RPF2: variants seen among roughly 807,000 people sequenced by gnomAD.
RPF2 encodes brix domain containing 1.
A neutral mutation model predicts 38.9 loss-of-function variants in RPF2; 21 were observed. The ratio of observed to expected loss-of-function variants is 0.54; its 90% CI spans 0.38 to 0.78. The LOEUF is 0.78. Ranked by LOEUF, RPF2 falls within the 30% of genes least tolerant of loss-of-function variation. The pLI is 0.00. For missense variants in RPF2, 314 were observed against 358.1 expected, an observed-to-expected ratio of 0.88 and a Z score of 0.99; for synonymous variants, 121 against 126.2, an observed-to-expected ratio of 0.96 and a Z score of 0.28.
In RPF2 at chr6:111,025,689, CATG is replaced by C. The variant is rs1159668248; in HGVS notation, c.*110_*112del. The C allele has an allele frequency of 5.8e-5, 46 of 794,318 alleles. No individual in the cohort carries two copies. Among genetic ancestry groups the C allele is most frequent in the African/African-American group, 1.0e-4 (6 of 57,448 alleles). 49.2% of individuals were successfully genotyped at this position (794,318 alleles called of 1,614,324 possible). ...AAGATCTTATTATATATTTTTATAA[CATG>C]ATAATTTTACGATATATTATTATGA... is the stretch of plus-strand genomic sequence containing the variant. On this transcript the variant is annotated 3_prime_UTR_variant, in exon 10 of 10. Coordinates refer to ENST00000441448, the MANE Select transcript of RPF2 (RefSeq NM_032194.3).
chr6:110,991,147 A>G (rs1562366593), intron 3 of RPF2, among the ~76,000 whole-genome samples: 2 of 152,168 alleles, frequency 1.3e-5, no homozygotes, highest in Non-Finnish European at 2.9e-5. Flanking sequence ...TTTTTAAAAA[A>G]TGCTTCCCAT....
intron 2 of RPF2, 178 bp from the exon 3 acceptor site, chr6:110,988,850 G>T: frequency 1.3e-6 from 1 of 755,224 alleles, no homozygotes; most frequent in Admixed American, 3.9e-5. Context: ...TCTAGTCCAA[G>T]AATATTAAGC....
chr6:111,022,051 A>C (rs927562479), intron 8 of RPF2, among the ~76,000 whole-genome samples: 7 of 152,222 alleles, frequency 4.6e-5, no homozygotes, highest in African/African-American at 1.7e-4. Context: ...ATCCGTTGGG[A>C]AATTTTATTC....
chr6:111,004,640 G>A (rs1285851584), intron 6 of RPF2, among the ~76,000 whole-genome samples: 10 of 151,572 alleles, frequency 6.6e-5, no homozygotes, highest in African/African-American at 2.2e-4. Flanking sequence ...CCACCCCAAG[G>A]TTCAAGCAAT....
chr6:110,992,902 C>A (rs1771644350), intron 4 of RPF2, among the ~76,000 whole-genome samples: 1 of 152,164 alleles, frequency 6.6e-6, no homozygotes, highest in South Asian at 2.1e-4. Flanking sequence ...CGTAGCGAGA[C>A]CCTGTCTCTA....
At chr6:111,017,532 T>G (rs1279115426) in intron 8 of RPF2, among the ~76,000 whole-genome samples, 26 of 67,472 alleles carry the variant, frequency 3.9e-4, no homozygotes, top group Admixed American at 1.1e-3. Context: ...CCTCACTTCT[T>G]AGACGGGGCG....
At chr6:110,982,293 C>A in intron 1 of RPF2, 164 bp downstream of exon 1, 1 of 742,450 alleles carries the variant, frequency 1.3e-6, no homozygotes, top group Non-Finnish European at 2.3e-6. Flanking sequence ...AGCTGCTTGC[C>A]AGGAGACAGT....
chr6:111,004,262 A>G (rs1049022514), intron 6 of RPF2, among the ~76,000 whole-genome samples: 5 of 151,926 alleles, frequency 3.3e-5, no homozygotes, highest in Non-Finnish European at 7.4e-5. Context: ...GGCTCACTGC[A>G]ACCTCCGCCT....
Position 110,982,220 on chromosome 6 carries a change from G to T in RPF2, c.23+91G>T, listed in dbSNP as rs972395755. ...CTGTCTCGGCCTCTCACTCTTCCTGGTTACCCCTCTAATTACCTGGGTGGG... is the reference window on the plus strand; with the variant it reads ...CTGTCTCGGCCTCTCACTCTTCCTGTTTACCCCTCTAATTACCTGGGTGGG... On this transcript the variant is annotated intron_variant, in intron 1 of 9. Coordinates refer to ENST00000441448, the MANE Select transcript of RPF2 (RefSeq NM_032194.3). The T allele has an allele frequency of 3.5e-6, 5 of 1,433,668 alleles. 1 individual carries two copies. In the Admixed American group the frequency reaches 5.1e-5, roughly 15 times the overall value. 88.8% of individuals were successfully genotyped at this position (1,433,668 alleles called of 1,614,324 possible). A position where few individuals can be genotyped will look rare whatever the true frequency, so the allele number is the denominator to read the frequency against.
At chr6:111,011,576 A>G (rs1772015093) in intron 7 of RPF2, among the ~76,000 whole-genome samples, 1 of 152,112 alleles carries the variant, frequency 6.6e-6, no homozygotes, top group Admixed American at 6.6e-5. Context: ...GGTGTGATCC[A>G]CCGTGCCTGG....
chr6:111,018,579 TTAAA>T (rs1772173032), intron 8 of RPF2, among the ~76,000 whole-genome samples: 1 of 152,364 alleles, frequency 6.6e-6, no homozygotes, highest in Admixed American at 6.5e-5. Context: ...CAAATGAAAC[TTAAA>T]TATTCACCTC....
intron 8 of RPF2, among the ~76,000 whole-genome samples, chr6:111,018,793 G>A (rs527905361): frequency 1.7e-4 from 26 of 152,142 alleles, no homozygotes; most frequent in Non-Finnish European, 3.1e-4. Flanking sequence ...GGTTAAGATC[G>A]AAAGCCCCTT....
chr6:111,015,714 A>AT, intron 7 of RPF2, 40 bp from the exon 8 acceptor site: 1 of 1,364,508 alleles, frequency 7.3e-7, no homozygotes, highest in Non-Finnish European at 1.0e-6. Flanking sequence ...TTTTGCAAGT[A>AT]TTTGTTTTGT....
chr6:111,011,467 T>C (rs1346177895), intron 7 of RPF2, among the ~76,000 whole-genome samples: 2 of 152,082 alleles, frequency 1.3e-5, no homozygotes, highest in Non-Finnish European at 2.9e-5. Flanking sequence ...TTTATATTTT[T>C]AGTAAAGACT....
At chr6:110,987,648 G>T (rs966742318) in intron 2 of RPF2, among the ~76,000 whole-genome samples, 2 of 152,180 alleles carry the variant, frequency 1.3e-5, no homozygotes, top group Admixed American at 6.5e-5. Context: ...CGGAAACAGG[G>T]AAATAGTTGG....
chr6:111,003,303 C>G (rs569645907), intron 6 of RPF2, among the ~76,000 whole-genome samples: 1 of 152,068 alleles, frequency 6.6e-6, no homozygotes, highest in South Asian at 2.1e-4. Flanking sequence ...TCTCCTCCAC[C>G]CTCACCAGAC....
chr6:110,988,647 G>A (rs1328114584), intron 2 of RPF2, among the ~76,000 whole-genome samples: 1 of 152,118 alleles, frequency 6.6e-6, no homozygotes, highest in Non-Finnish European at 1.5e-5. Context: ...ATGTTGCCCA[G>A]GCTGGTCTCG....
rs115867505 is a variant in RPF2 at position 110,993,975 on chromosome 6, C to T, written c.234+2189C>T. Among the ~76,000 whole-genome samples, 1,231 of 152,262 alleles carry T rather than the reference C, an allele frequency of 8.1e-3. 12 individuals carry two copies. The highest frequency in any genetic ancestry group is 0.029 in the African/African-American group (1,187 of 41,570). ...GCTCATGAGCTAAGAATGGTTTTTA[C>T]ATTTTTAAAGAGTTGGTTAGGCTGG... is the stretch of plus-strand genomic sequence containing the variant. On this transcript the variant is annotated intron_variant, in intron 4 of 9. Transcript: ENST00000441448.
At chr6:111,001,787 T>A (rs1392977193) in intron 6 of RPF2, among the ~76,000 whole-genome samples, 1 of 152,170 alleles carries the variant, frequency 6.6e-6, no homozygotes, top group Admixed American at 6.6e-5. Context: ...ATGAGCACCT[T>A]CCAGTCCCTC....
Sources: allele counts gnomAD v4.1 joint callset (sites outside exome capture counted in the v4.1 genomes callset), GRCh38; gene constraint gnomAD v4.1.1; transcripts MANE v1.5; gene names NCBI Gene and HGNC (gene_info 2026-07-23, HGNC 2026-07-21).